Variants in GNAL observed in about 807,000 individuals in gnomAD.
The protein encoded by GNAL is G protein subunit alpha L, also known as guanine nucleotide-binding protein G(olf) subunit alpha.
A neutral mutation model predicts 55.1 loss-of-function variants in GNAL; 18 were observed. The observed-to-expected ratio is 0.33, with a 90% confidence interval of 0.23 to 0.48. GNAL has a LOEUF of 0.48. Among genes scored for constraint, GNAL ranks in the 20% least tolerant of loss-of-function variants. GNAL has a pLI of 0.99. For synonymous variants in GNAL, 253 were observed against 237.0 expected (o/e 1.07, Z -0.62); for missense variants, 412 against 614.1 (o/e 0.67, Z 3.48).
intron 5 of GNAL, among the ~76,000 whole-genome samples, chr18:11,832,239 G>A (rs930466782): frequency 6.6e-6 from 1 of 152,174 alleles, no homozygotes; most frequent in African/African-American, 2.4e-5. Context: ...ACAGAGTGTA[G>A]GTTCTTATGC....
chr18:11,853,222 A>C (rs548490314), intron 5 of GNAL: 1 of 167,226 alleles, frequency 6.0e-6, no homozygotes, highest in South Asian at 2.1e-4. Context: ...CATGCAAGTC[A>C]TTTATGTATA....
chr18:11,860,294 A>C (rs769030079), intron 5 of GNAL, among the ~76,000 whole-genome samples: 1 of 152,212 alleles, frequency 6.6e-6, no homozygotes, highest in Non-Finnish European at 1.5e-5. Flanking sequence ...GAAGGCTGCC[A>C]AAATGTCATC....
rs185975070 is a variant in GNAL, at chr18:11,842,541, T to C, written c.722+17526T>C. On this transcript the variant is annotated intron_variant, in intron 5 of 11. Coordinates refer to ENST00000334049, the MANE Select transcript of GNAL (RefSeq NM_182978.4). ...TTTCCTGCAACTAGATGGTCCCATC[T>C]GGGGGTGATGGGAGACAGTGACAGA... Among the ~76,000 whole-genome samples, 585 of 151,848 alleles carry C rather than the reference T, an allele frequency of 3.9e-3. 4 individuals are homozygous for C. Among genetic ancestry groups the C allele is most frequent in the Non-Finnish European group, 5.6e-3 (382 of 67,946 alleles).
Position 11,865,178 on chromosome 18 carries a change from G to A in GNAL, c.851+572G>A, listed in dbSNP as rs150812748. 1.8e-3 allele frequency among the ~76,000 whole-genome samples: 265 copies of A among 150,178 alleles called. 2 individuals carry two copies. Among genetic ancestry groups the A allele is most frequent in the Non-Finnish European group, 2.6e-3 (177 of 68,028 alleles). On this transcript the variant is annotated intron_variant, in intron 7 of 11. Transcript: ENST00000334049. ...TTTCAGTCGCCCTTCTCAGTGCCAC[G>A]AAATGAATCTTCCTACGGCACGGCC...
intron 4 of GNAL, chr18:11,811,347 C>G (rs1022538020): frequency 3.9e-5 from 6 of 154,336 alleles, no homozygotes; most frequent in African/African-American, 1.4e-4. Context: ...TCCTCCTGCC[C>G]CTTGCCCCTC....
rs10083973 is a variant in GNAL at position 11,884,938 on chromosome 18, C to G, written c.*3803C>G. The G allele has an allele frequency of 1.6e-6, 2 of 1,287,234 alleles. No individual in the cohort carries two copies. Among genetic ancestry groups the G allele is most frequent in the African/African-American group, 1.5e-5 (1 of 65,896 alleles). The allele number at this position is 1,287,234 out of a possible 1,614,324, so 79.7% of individuals were successfully genotyped here. A position where few individuals can be genotyped will look rare whatever the true frequency, so the allele number is the denominator to read the frequency against. Reference sequence around the variant, plus strand: ...ATCAAATATAGTGGGGGATCCATAACAGAGATTCAGAGAGGCACCGTGGAG... The same window carrying G: ...ATCAAATATAGTGGGGGATCCATAAGAGAGATTCAGAGAGGCACCGTGGAG... On this transcript the variant is annotated 3_prime_UTR_variant, in exon 12 of 12. Transcript: ENST00000334049.
At chr18:11,836,451 AAAT>A (rs1598417258) in intron 5 of GNAL, among the ~76,000 whole-genome samples, 1 of 152,022 alleles carries the variant, frequency 6.6e-6, no homozygotes, top group African/African-American at 2.4e-5. Flanking sequence ...TTATCTCAAA[AAAT>A]AATAATAATA....
intron 5 of GNAL, among the ~76,000 whole-genome samples, chr18:11,842,463 A>T (rs2035639304): frequency 6.6e-6 from 1 of 152,116 alleles, no homozygotes; most frequent in Non-Finnish European, 1.5e-5. Context: ...ATATATAATG[A>T]AATAATTATA....
chr18:11,879,953 A>G (rs1249131921), intron 11 of GNAL, among the ~76,000 whole-genome samples: 3 of 152,132 alleles, frequency 2.0e-5, no homozygotes, highest in African/African-American at 7.2e-5. Flanking sequence ...CTGGGCACAT[A>G]TGGACATTTA....
At chr18:11,790,289 G>A (rs751911819) in intron 4 of GNAL, among the ~76,000 whole-genome samples, 18 of 152,094 alleles carry the variant, frequency 1.2e-4, no homozygotes, top group African/African-American at 1.7e-4. Flanking sequence ...TCTCCAGGGC[G>A]TCTGTCAGCT....
In GNAL at chr18:11,810,222, G is replaced by C. The variant is rs115407212; in HGVS notation, c.625-14696G>C. 4.4e-3 allele frequency among the ~76,000 whole-genome samples: 666 copies of C among 152,290 alleles called. 3 individuals are homozygous for C. Among genetic ancestry groups the C allele is most frequent in the African/African-American group, 0.014 (599 of 41,544 alleles). On this transcript the variant is annotated intron_variant, in intron 4 of 11. Coordinates refer to ENST00000334049, the MANE Select transcript of GNAL (RefSeq NM_182978.4). ...AGGCTGGACAACATAGCGAGAACCTGTCTCTACTAAAAATACAAAAAAATA... is the reference window on the plus strand; with the variant it reads ...AGGCTGGACAACATAGCGAGAACCTCTCTCTACTAAAAATACAAAAAAATA...
rs183062214 is a variant in GNAL at position 11,876,014 on chromosome 18, C to T, written c.1163-607C>T. On this transcript the variant is annotated intron_variant, in intron 10 of 11. Transcript: ENST00000334049. ...ATCCCATCCATGAAGGCGGAGCCCT[C>T]GTGACCTCATCACCTCTCAAAGGCT... Among the ~76,000 whole-genome samples the T allele has an allele frequency of 4.1e-3, 629 of 152,268 alleles. 7 individuals carry two copies. Among genetic ancestry groups the T allele is most frequent in the African/African-American group, 0.013 (545 of 41,550 alleles).
At chr18:11,835,926 C>T (rs1219367740) in intron 5 of GNAL, among the ~76,000 whole-genome samples, 1 of 152,074 alleles carries the variant, frequency 6.6e-6, no homozygotes, top group East Asian at 1.9e-4. Flanking sequence ...AGGAGTACTG[C>T]TTGAGTCCAA....
intron 4 of GNAL, among the ~76,000 whole-genome samples, chr18:11,774,173 C>T (rs533551561): frequency 1.3e-5 from 2 of 152,238 alleles, no homozygotes; most frequent in South Asian, 2.1e-4. Context: ...CAGACGTTGC[C>T]GAGTGCTGAA....
At chr18:11,821,389 C>A (rs1159332343) in intron 4 of GNAL, among the ~76,000 whole-genome samples, 2 of 152,162 alleles carry the variant, frequency 1.3e-5, no homozygotes, top group African/African-American at 4.8e-5. Context: ...CTGCTGTGTG[C>A]CCTTGGGTGG....
At chr18:11,784,447 C>T (rs1054358570) in intron 4 of GNAL, among the ~76,000 whole-genome samples, 2 of 152,230 alleles carry the variant, frequency 1.3e-5, no homozygotes, top group Non-Finnish European at 2.9e-5. Flanking sequence ...TTCATGATGA[C>T]ACCCCTGCAC....
chr18:11,795,467 T>A (rs976023840), intron 4 of GNAL, among the ~76,000 whole-genome samples: 1 of 152,052 alleles, frequency 6.6e-6, no homozygotes, highest in Non-Finnish European at 1.5e-5. Flanking sequence ...CTTTCTTAAA[T>A]TCCTGCTTAT....
intron 5 of GNAL, among the ~76,000 whole-genome samples, chr18:11,826,204 G>A (rs1269568207): frequency 1.3e-5 from 2 of 152,006 alleles, no homozygotes; most frequent in Non-Finnish European, 2.9e-5. Context: ...GAAGCCCAGA[G>A]AGCCAGGCTC....
intron 1 of GNAL, among the ~76,000 whole-genome samples, chr18:11,737,245 A>G (rs923812600): frequency 1.3e-5 from 2 of 152,224 alleles, no homozygotes; most frequent in South Asian, 2.1e-4. Context: ...GAGGACTACT[A>G]TATATACAAT....
Sources: gnomAD v4.1 joint callset for allele counts (sites outside exome capture counted in the v4.1 genomes callset) on GRCh38, gnomAD v4.1.1 for gene constraint, MANE v1.5 for transcripts, NCBI Gene and HGNC (gene_info 2026-07-23, HGNC 2026-07-21) for gene names.